Variants in SCYL2 observed in about 807,000 individuals in gnomAD.
SCYL2 encodes SCY1 like pseudokinase 2.
SCYL2 carries 36 observed loss-of-function variants against 100.4 expected under a neutral mutation model. That is an observed-to-expected ratio of 0.36 (90% confidence interval 0.27 to 0.47). The LOEUF (loss-of-function observed/expected upper bound fraction) is 0.47, where lower values mean the gene tolerates loss of function less well. Among genes scored for constraint, SCYL2 ranks in the 20% least tolerant of loss-of-function variants. SCYL2 has a pLI of 1.00. For synonymous variants in SCYL2, 330 were observed against 359.2 expected, an observed-to-expected ratio of 0.92 and a Z score of 0.92; for missense variants, 902 against 1,083.9, an observed-to-expected ratio of 0.83 and a Z score of 2.36.
At chr12:100,303,923 T>G (rs1329580638) in intron 4 of SCYL2, among the ~76,000 whole-genome samples, 1 of 152,208 alleles carries the variant, frequency 6.6e-6, no homozygotes, top group African/African-American at 2.4e-5. Context: ...AACCCCTGAC[T>G]GGGGCTGCTG....
At chr12:100,335,778 C>T in intron 15 of SCYL2, 33 bp from the exon 16 acceptor site, 2 of 1,597,742 alleles carry the variant, frequency 1.3e-6, no homozygotes, top group Non-Finnish European at 1.7e-6. Context: ...TTTTATTGAA[C>T]TTATTTAAAT....
At chr12:100,329,831 G>A (rs929369011) in intron 13 of SCYL2, among the ~76,000 whole-genome samples, 2 of 152,132 alleles carry the variant, frequency 1.3e-5, no homozygotes, top group South Asian at 2.1e-4. Flanking sequence ...CGTGGTTGTT[G>A]GCAAGATTCA....
Position 100,336,109 on chromosome 12 carries a change from A to G in SCYL2, c.2025+203A>G, listed in dbSNP as rs557223594. 1.5e-3 allele frequency among the ~76,000 whole-genome samples: 234 copies of G among 152,174 alleles called. 1 individual carries two copies. The highest frequency in any genetic ancestry group is 1.4e-3 in the Non-Finnish European group (95 of 68,010). On this transcript the variant is annotated intron_variant, in intron 16 of 17. Transcript: ENST00000360820. ...CTTAAGATTTTTAGCTTCCATTATT[A>G]CTTGACTTGCCACAAGGTAATATTT... is the stretch of plus-strand genomic sequence containing the variant.
intron 10 of SCYL2, among the ~76,000 whole-genome samples, chr12:100,322,042 T>C (rs1291988780): frequency 3.0e-4 from 19 of 63,628 alleles, no homozygotes; most frequent in South Asian, 8.7e-4. Flanking sequence ...AGCAAGACTC[T>C]CCAAAAAAAA....
At chr12:100,274,311 G>T (rs2096290448) in intron 1 of SCYL2, among the ~76,000 whole-genome samples, 1 of 152,126 alleles carries the variant, frequency 6.6e-6, no homozygotes, top group South Asian at 2.1e-4. Context: ...CACAGCTGGA[G>T]TTTTTTTGTC....
chr12:100,335,636 T>C lies in SCYL2; in HGVS notation c.1874T>C (p.Ile625Thr). Residue 625 changes from isoleucine to threonine, a missense_variant, in exon 15 of 18, where the codon ATA becomes ACA. Ile to Thr is a moderately conservative substitution (Grantham distance 89). Transcript: ENST00000360820. Reference protein sequence around the residue: ...IMQEQQKSLDIGNQMNVSEEM... With the variant: ...IMQEQQKSLDTGNQMNVSEEM... ...CAACTCTCCTACAGATCTTTGGATA[T>C]AGGAAATCAAATGAATGTTTCTGAG... The C allele has an allele frequency of 6.2e-7, 1 of 1,604,104 alleles. No homozygotes were observed.
At chr12:100,334,362 G>A (rs930206491) in intron 14 of SCYL2, 96 bp downstream of exon 14, 1 of 769,230 alleles carries the variant, frequency 1.3e-6, no homozygotes, top group African/African-American at 1.7e-5. Context: ...AAACTTGCTG[G>A]ATTTAAATTT....
At chr12:100,286,846 C>A (rs1053117213) in intron 2 of SCYL2, among the ~76,000 whole-genome samples, 7 of 151,720 alleles carry the variant, frequency 4.6e-5, no homozygotes, top group Admixed American at 3.3e-4. Context: ...TTATGTGAAG[C>A]CAAATATGCT....
chr12:100,281,949 G>C (rs1224283540), intron 1 of SCYL2, among the ~76,000 whole-genome samples: 1 of 152,112 alleles, frequency 6.6e-6, no homozygotes, highest in African/African-American at 2.4e-5. Flanking sequence ...CCTGTGAAAA[G>C]GGGTGGAAAA....
chr12:100,334,413 T>C, intron 14 of SCYL2, 147 bp downstream of exon 14: 1 of 639,696 alleles, frequency 1.6e-6, no homozygotes, highest in Non-Finnish European at 2.8e-6. Flanking sequence ...ATCATGTTAA[T>C]AAGTTGAACT....
At chr12:100,295,291 G>A (rs1254959736) in intron 3 of SCYL2, among the ~76,000 whole-genome samples, 2 of 152,014 alleles carry the variant, frequency 1.3e-5, no homozygotes, top group African/African-American at 4.8e-5. Context: ...CTTCCCAGAC[G>A]GGGTGGCGGC....
At position 100,299,458 on chromosome 12, in the gene SCYL2, T is replaced by C. The variant is rs569406013; in HGVS notation, c.480+1283T>C. Reference sequence around the variant, plus strand: ...GAAACCATCACCACGATCAAGATACTGCATCTATTTGTAACCCCCAAGAGC... The same window carrying C: ...GAAACCATCACCACGATCAAGATACCGCATCTATTTGTAACCCCCAAGAGC... On this transcript the variant is annotated intron_variant, in intron 4 of 17. Coordinates refer to ENST00000360820, the MANE Select transcript of SCYL2 (RefSeq NM_017988.6). Among the ~76,000 whole-genome samples, 6 of 152,320 alleles carry C rather than the reference T, an allele frequency of 3.9e-5. No homozygotes were observed. In the South Asian group the frequency reaches 1.2e-3, roughly 32 times the overall value.
intron 2 of SCYL2, among the ~76,000 whole-genome samples, chr12:100,291,111 C>T (rs989515184): frequency 6.6e-6 from 1 of 152,146 alleles, no homozygotes; most frequent in Non-Finnish European, 1.5e-5. Context: ...GACTTACAAC[C>T]TTTCTTTCAA....
rs151175570 is a variant in SCYL2 at position 100,335,905 on chromosome 12, G to T, written c.2024G>T (p.Arg675Ile). 6 of 1,609,082 alleles carry T rather than the reference G, an allele frequency of 3.7e-6. No homozygotes were observed. The East Asian group carries it at 1.1e-4, about 30-fold the overall frequency. ...KEDGLQNKHK[R>I]ASLTLEEKQK... is the part of the protein sequence containing the mutation. The stretch of plus-strand genomic sequence containing the variant: ...GACGGGTTACAGAATAAACATAAAA[G>T]AGTGAGTTTCCTTACTGTTCTTTCA... The change falls in exon 16 of 18, where the codon AGA (arginine) becomes ATA (isoleucine). Residue 675 changes from arginine to isoleucine, a missense_variant and splice_region_variant. By Grantham distance (97) the Arg-to-Ile change is moderately conservative. Transcript: ENST00000360820.
At chr12:100,337,346 A>G in intron 16 of SCYL2, 41 bp from the exon 17 acceptor site, 1 of 1,597,826 alleles carries the variant, frequency 6.3e-7, no homozygotes, top group Non-Finnish European at 8.5e-7. Context: ...AAATGGACTT[A>G]ATAAATTGCC....
chr12:100,314,173 C>T lies in SCYL2; in HGVS notation c.970-316C>T, dbSNP rs965765643. Among the ~76,000 whole-genome samples the T allele has an allele frequency of 7.2e-5, 11 of 152,206 alleles. No homozygotes were observed. In the East Asian group the frequency reaches 1.2e-3, roughly 16 times the overall value. On this transcript the variant is annotated intron_variant, in intron 7 of 17. Coordinates refer to ENST00000360820, the MANE Select transcript of SCYL2 (RefSeq NM_017988.6). The stretch of plus-strand genomic sequence containing the variant: ...GATTATAGGCATGAGCCACCGTGCC[C>T]GGGCCAACCATGGATTTTAACTAAT...
At chr12:100,279,818 G>A (rs2096296205) in intron 1 of SCYL2, among the ~76,000 whole-genome samples, 1 of 152,226 alleles carries the variant, frequency 6.6e-6, no homozygotes, top group Admixed American at 6.5e-5. Flanking sequence ...TAGCTCTCTA[G>A]TTTGGTTCTT....
At chr12:100,294,449 A>C (rs1185316130) in intron 3 of SCYL2, among the ~76,000 whole-genome samples, 1 of 67,686 alleles carries the variant, frequency 1.5e-5, no homozygotes, top group African/African-American at 6.1e-5. Flanking sequence ...ACTTCCCAGT[A>C]GGGGCGGCCG....
chr12:100,306,863 G>A (rs1037607308), intron 4 of SCYL2, among the ~76,000 whole-genome samples: 1 of 152,086 alleles, frequency 6.6e-6, no homozygotes, highest in Non-Finnish European at 1.5e-5. Context: ...GACAAACAGA[G>A]AGCCAAATCA....
Sources: allele counts gnomAD v4.1 joint callset (sites outside exome capture counted in the v4.1 genomes callset), GRCh38; gene constraint gnomAD v4.1.1; transcripts MANE v1.5; gene names NCBI Gene and HGNC (gene_info 2026-07-23, HGNC 2026-07-21).